Variants in CTNNA2 observed in about 807,000 individuals in gnomAD.
The protein encoded by CTNNA2 is catenin alpha 2, also known as catenin alpha-2.
In CTNNA2, 42 loss-of-function variants were observed where a neutral mutation model predicts 101.0. The observed-to-expected ratio is 0.42, with a 90% CI of 0.32 to 0.54. The LOEUF (loss-of-function observed/expected upper bound fraction) is 0.54, where lower values mean the gene tolerates loss of function less well. CTNNA2 is among the 20% of genes least tolerant of loss of function. CTNNA2 has a pLI of 0.14. For missense variants in CTNNA2, 871 were observed against 1,223.1 expected (o/e 0.71, Z 4.29); for synonymous variants, 450 against 456.4 (o/e 0.99, Z 0.18).
At chr2:79,552,582 A>C (rs1160071592) in intron 1 of CTNNA2, among the ~76,000 whole-genome samples, 1 of 152,132 alleles carries the variant, frequency 6.6e-6, no homozygotes, top group Non-Finnish European at 1.5e-5. Flanking sequence ...GCTCTGCCCC[A>C]TAGTAGACTT....
chr2:79,271,553 G>A (rs74891664), intron 2 of CTNNA2, among the ~76,000 whole-genome samples: 2,390 of 152,162 alleles, frequency 0.016, 47 homozygotes, highest in East Asian at 0.061. Context: ...TGGAGAGGCA[G>A]GCAGCTGGAG....
At chr2:80,615,000 T>C (rs1405239970) in intron 17 of CTNNA2, among the ~76,000 whole-genome samples, 2 of 151,398 alleles carry the variant, frequency 1.3e-5, no homozygotes, top group Non-Finnish European at 3.0e-5. Context: ...TTGTTTCTAC[T>C]GGGGCTTACC....
chr2:80,135,439 A>C (rs1336374217), intron 7 of CTNNA2, among the ~76,000 whole-genome samples: 2 of 152,182 alleles, frequency 1.3e-5, no homozygotes, highest in Non-Finnish European at 2.9e-5. Flanking sequence ...GGTAGACCAG[A>C]AATCATAAGT....
At chr2:79,994,233 G>T (rs1409929241) in intron 7 of CTNNA2, among the ~76,000 whole-genome samples, 3 of 152,100 alleles carry the variant, frequency 2.0e-5, no homozygotes, top group African/African-American at 7.2e-5. Flanking sequence ...GTTTATTATG[G>T]TTTAAAAGCA....
intron 2 of CTNNA2, among the ~76,000 whole-genome samples, chr2:79,720,179 C>T (rs916588378): frequency 6.6e-6 from 1 of 151,864 alleles, no homozygotes; most frequent in African/African-American, 2.4e-5. Context: ...CTTTTGTTGA[C>T]CTTGAGGAAG....
At chr2:79,948,096 T>C (rs1282278837) in intron 7 of CTNNA2, among the ~76,000 whole-genome samples, 7 of 152,210 alleles carry the variant, frequency 4.6e-5, no homozygotes, top group African/African-American at 1.7e-4. Flanking sequence ...TCAATGCATA[T>C]GTGCTAGGTG....
intron 7 of CTNNA2, among the ~76,000 whole-genome samples, chr2:80,007,811 T>C (rs944914247): frequency 2.6e-5 from 4 of 152,046 alleles, no homozygotes; most frequent in Non-Finnish European, 4.4e-5. Context: ...AACAACCCTT[T>C]CTCCCAACAT....
intron 3 of CTNNA2, among the ~76,000 whole-genome samples, chr2:79,767,886 T>A (rs570940311): frequency 2.6e-5 from 4 of 151,682 alleles, no homozygotes; most frequent in Non-Finnish European, 5.9e-5. Context: ...AGCTGTGAGC[T>A]GTGCAGCCTG....
At chr2:79,243,953 C>A (rs569590339) in intron 2 of CTNNA2, among the ~76,000 whole-genome samples, 24 of 152,206 alleles carry the variant, frequency 1.6e-4, no homozygotes, top group African/African-American at 5.8e-4. Context: ...TATACCTTTC[C>A]TTTCTGTTAT....
chr2:80,504,717 C>A (rs780144363), intron 9 of CTNNA2, among the ~76,000 whole-genome samples: 3 of 152,170 alleles, frequency 2.0e-5, no homozygotes, highest in Middle Eastern at 6.8e-3. Context: ...TACTTAGCTC[C>A]GGGGATTGTG....
upstream of CTNNA2, among the ~76,000 whole-genome samples, chr2:79,510,330 A>T (rs1671508249): frequency 6.6e-6 from 1 of 152,226 alleles, no homozygotes; most frequent in African/African-American, 2.4e-5. Context: ...CAGATTCACA[A>T]GCAGACTCAA....
intron 4 of CTNNA2, among the ~76,000 whole-genome samples, chr2:79,462,568 AG>A (rs1368699769): frequency 2.6e-5 from 4 of 152,364 alleles, no homozygotes; most frequent in African/African-American, 4.8e-5. Flanking sequence ...GACACAAAAA[AG>A]CAACCTATAA....
chr2:79,740,274 T>C (rs899233589), intron 2 of CTNNA2, among the ~76,000 whole-genome samples: 1 of 152,206 alleles, frequency 6.6e-6, no homozygotes, highest in African/African-American at 2.4e-5. Flanking sequence ...TATTCGATTT[T>C]GTTTGCTAAG....
intron 7 of CTNNA2, among the ~76,000 whole-genome samples, chr2:80,057,541 T>C (rs1697304579): frequency 6.6e-6 from 1 of 152,200 alleles, no homozygotes; most frequent in Non-Finnish European, 1.5e-5. Context: ...GCCCTTTGCA[T>C]CTGGGCCCAG....
chr2:79,192,811 A>G (rs922786078), intron 1 of CTNNA2, among the ~76,000 whole-genome samples: 3 of 152,098 alleles, frequency 2.0e-5, no homozygotes, highest in African/African-American at 7.2e-5. Flanking sequence ...TTTCTATTAA[A>G]TTGTAATTGC....
chr2:79,738,688 T>A (rs540741214), intron 2 of CTNNA2, among the ~76,000 whole-genome samples: 2 of 152,294 alleles, frequency 1.3e-5, no homozygotes, highest in South Asian at 4.1e-4. Flanking sequence ...TGTGGTAGAA[T>A]GGTATTATAA....
At chr2:79,810,139 A>G (rs897396135) in intron 3 of CTNNA2, among the ~76,000 whole-genome samples, 9 of 152,160 alleles carry the variant, frequency 5.9e-5, no homozygotes, top group African/African-American at 1.4e-4. Context: ...CTTAGAGACT[A>G]TCTGTGTTAG....
chr2:80,250,669 A>G (rs1405754031), intron 7 of CTNNA2, among the ~76,000 whole-genome samples: 4 of 152,186 alleles, frequency 2.6e-5, no homozygotes, highest in African/African-American at 4.8e-5. Context: ...CCATTGGGAT[A>G]ATGAGCATGC....
At chr2:79,842,706 G>A (rs4852533) in intron 3 of CTNNA2, among the ~76,000 whole-genome samples, 1 of 149,144 alleles carries the variant, frequency 6.7e-6, no homozygotes, top group Admixed American at 6.7e-5. Context: ...TTGGGTGTGT[G>A]TTTTTTTTTT....
Sources: gnomAD v4.1 joint callset for allele counts (sites outside exome capture counted in the v4.1 genomes callset) on GRCh38, gnomAD v4.1.1 for gene constraint, MANE v1.5 for transcripts, NCBI Gene and HGNC (gene_info 2026-07-23, HGNC 2026-07-21) for gene names.